Variants in TSPYL2 observed in about 807,000 individuals in gnomAD.
TSPYL2 encodes TSPY like 2, also known as testis-specific Y-encoded-like protein 2.
TSPYL2 carries 9 observed loss-of-function variants against 33.0 expected under a neutral mutation model. That is an observed-to-expected ratio of 0.27 (90% CI 0.16 to 0.48). The LOEUF (loss-of-function observed/expected upper bound fraction) is 0.48, where lower values mean the gene tolerates loss of function less well. TSPYL2 is among the 20% of genes least tolerant of loss of function. The probability of loss-of-function intolerance (pLI) is 0.99; values close to 1 mark genes in which losing one functional copy is unlikely to be tolerated. For synonymous variants in TSPYL2, 330 were observed against 233.6 expected (o/e 1.41, Z -3.77); for missense variants, 636 against 586.2 (o/e 1.08, Z -0.88).
At chrX:53,084,703 C>T (rs782349311) in intron 2 of TSPYL2, 52 bp from the exon 3 acceptor site, 60 of 1,173,186 alleles carry the variant, frequency 5.1e-5, no homozygotes, top group East Asian at 1.8e-4. Context: ...TGGGAAGGGC[C>T]GTGGTGTGTT....
At chrX:53,083,373 C>G in intron 1 of TSPYL2, 68 bp downstream of exon 1, 1 of 1,038,312 alleles carries the variant, frequency 9.6e-7, no homozygotes, top group Non-Finnish European at 1.3e-6. Flanking sequence ...GGGGGAGGGA[C>G]AGAAAAGGTA....
In TSPYL2 at chrX:53,082,447, TA is replaced by T; in HGVS notation, c.-48del. 1.8e-6 allele frequency: 2 copies of T among 1,083,591 alleles called. No individual in the cohort carries two copies. The highest frequency in any genetic ancestry group is 3.4e-5 in the Admixed American group (1 of 29,111). The allele number at this position is 1,083,591 out of a possible 1,213,427, so 89.3% of individuals were successfully genotyped here. ...GTGCGACTAGCGGCAGCGACGCGGC[TA>T]AAAGCGAAGGGGCGAGTGCGAGTCC... On this transcript the variant is annotated 5_prime_UTR_variant, in exon 1 of 7. Transcript: ENST00000375442.
In TSPYL2 at chrX:53,085,995, A is replaced by G. The variant is rs1028963655; in HGVS notation, c.1603A>G (p.Asn535Asp). ...TDDNEENPNN[N>D]ENTYGNNFFK... ...TGACAACGAAGAGAACCCTAACAAC[A>G]ACGAGAACACTTACGGCAACAACTT... Residue 535 changes from asparagine to aspartate, a missense_variant, in exon 6 of 7, where the codon AAC (asparagine) becomes GAC (aspartate). Transcript: ENST00000375442. 4 of 1,185,707 alleles carry G rather than the reference A, an allele frequency of 3.4e-6. No individual in the cohort carries two copies. The highest frequency in any genetic ancestry group is 1.7e-5 in the African/African-American group (1 of 57,177).
chrX:53,085,214 C>T lies in TSPYL2; in HGVS notation c.1144-13C>T. The T allele has an allele frequency of 5.0e-6, 6 of 1,194,922 alleles. No individual in the cohort carries two copies. Among genetic ancestry groups the T allele is most frequent in the South Asian group, 1.8e-5 (1 of 54,702 alleles). ...CTAATGGCTGTCTTATTCCTTCTCC[C>T]CTTTTTCAACAGATTATCAAGAATG... is the stretch of plus-strand genomic sequence containing the variant. On this transcript the variant is annotated splice_polypyrimidine_tract_variant and intron_variant, in intron 4 of 6. Coordinates refer to ENST00000375442, the MANE Select transcript of TSPYL2 (RefSeq NM_022117.4).
At position 53,087,981 on chromosome X, in the gene TSPYL2, C is replaced by T. The variant is rs782184447; in HGVS notation, c.*42C>T. 6.0e-6 allele frequency: 7 copies of T among 1,175,532 alleles called. No individual in the cohort carries two copies. The highest frequency in any genetic ancestry group is 8.1e-6 in the Non-Finnish European group (7 of 868,063). The stretch of plus-strand genomic sequence containing the variant: ...GGGATCACCTCTCTGTATCCCCCAC[C>T]CACTATCCCATTTGCCCTCCTCCTC... On this transcript the variant is annotated 3_prime_UTR_variant, in exon 7 of 7. Coordinates refer to ENST00000375442, the MANE Select transcript of TSPYL2 (RefSeq NM_022117.4).
At position 53,085,019 on chromosome X, in the gene TSPYL2, C is replaced by T; in HGVS notation, c.1063C>T (p.His355Tyr). 8.3e-7 allele frequency: 1 copy of T among 1,211,836 alleles called. No individual in the cohort carries two copies. Residue 355 changes from histidine (H) to tyrosine (Y), a missense_variant, in exon 4 of 7, where the codon CAC becomes TAC. Physicochemically the swap from His to Tyr is moderately conservative, Grantham distance 83 (BLOSUM62 2). Transcript: ENST00000375442. The stretch of plus-strand genomic sequence containing the variant: ...GGGCCAGGAACCCCAGGCCCGTCGT[C>T]ACGGGAACCAGGATGCGAGCCACAG... The part of the protein sequence containing the change: ...HRGQEPQARR[H>Y]GNQDASHSFF...
rs1384500141 is a variant in TSPYL2, at chrX:53,088,250, C to T, written c.*311C>T. The T allele has an allele frequency of 1.1e-5, 3 of 271,024 alleles. No individual in the cohort carries two copies. Among genetic ancestry groups the T allele is most frequent in the African/African-American group, 8.1e-5 (3 of 37,146 alleles). The allele number at this position is 271,024 out of a possible 1,213,427, so 22.3% of individuals were successfully genotyped here. ...TCTCCCAGTCAGTTGTGGCCCCAGC[C>T]CCTCTCCCTGTGCTGTGTGGAGTGG... On this transcript the variant is annotated 3_prime_UTR_variant, in exon 7 of 7. Transcript: ENST00000375442.
In TSPYL2 at chrX:53,086,320, TCC is replaced by T; in HGVS notation, c.1918+17_1918+18del. 1 of 1,166,432 alleles carries T rather than the reference TCC, an allele frequency of 8.6e-7. No individual in the cohort carries two copies. The highest frequency in any genetic ancestry group is 2.0e-5 in the African/African-American group (1 of 48,937). On this transcript the variant is annotated intron_variant, in intron 6 of 6. Coordinates refer to ENST00000375442, the MANE Select transcript of TSPYL2 (RefSeq NM_022117.4). The stretch of plus-strand genomic sequence containing the variant: ...GAGGGCATTGAGGAAGGTGAGCTAA[TCC>T]CCCCCCACCCTTGTCTTCCCTCTTT...
intron 6 of TSPYL2, chrX:53,087,112 G>A (rs782037636): frequency 8.8e-6 from 1 of 113,273 alleles, no homozygotes; most frequent in Non-Finnish European, 1.9e-5. Context: ...CAGATGGGAG[G>A]TGGAAGGGGC....
In TSPYL2 at chrX:53,087,765, C is replaced by G; in HGVS notation, c.1919-11C>G. 8.3e-7 allele frequency: 1 copy of G among 1,201,910 alleles called. No homozygotes were observed. Among genetic ancestry groups the G allele is most frequent in the African/African-American group, 1.7e-5 (1 of 57,716 alleles). Reference sequence around the variant, plus strand: ...CCTCCATTTCCCCTTCCTTGCTTCTCCCCTATGCAGGCATCCAGCAAGATG... The same window carrying G: ...CCTCCATTTCCCCTTCCTTGCTTCTGCCCTATGCAGGCATCCAGCAAGATG... On this transcript the variant is annotated splice_polypyrimidine_tract_variant and intron_variant, in intron 6 of 6. Transcript: ENST00000375442.
intron 6 of TSPYL2, chrX:53,086,603 A>G (rs1350035694): frequency 8.2e-6 from 3 of 363,816 alleles, no homozygotes; most frequent in African/African-American, 2.6e-5. Flanking sequence ...GACACTTCAC[A>G]TCGAGGTGGG....
chrX:53,085,937 C>A lies in TSPYL2; in HGVS notation c.1545C>A (p.Asn515Lys). 8.3e-7 allele frequency: 1 copy of A among 1,208,841 alleles called. No individual in the cohort carries two copies. Among genetic ancestry groups the A allele is most frequent in the African/African-American group, 1.7e-5 (1 of 57,616 alleles). ...TDNNESADDN[N>K]ENPEDNNKNT... ...ACAATGAGAGTGCAGATGACAACAA[C>A]GAGAATCCTGAAGACAATAACAAGA... Residue 515 changes from asparagine to lysine, a missense_variant, in exon 6 of 7, where the codon AAC becomes AAA. Transcript: ENST00000375442.
At position 53,088,108 on chromosome X, in the gene TSPYL2, T is replaced by C. The variant is rs985755523; in HGVS notation, c.*169T>C. The C allele has an allele frequency of 1.3e-5, 6 of 476,355 alleles. No homozygotes were observed. The highest frequency in any genetic ancestry group is 2.1e-5 in the Non-Finnish European group (6 of 288,913). 39.3% of individuals were successfully genotyped at this position (476,355 alleles called of 1,213,427 possible). A position where few individuals can be genotyped will look rare whatever the true frequency, so the allele number is the denominator to read the frequency against. ...TGGTTTAGTCATTGCAGAGTTCTTA[T>C]TTTGGGGGGAGGGAAAGGGGGCTAG... On this transcript the variant is annotated 3_prime_UTR_variant, in exon 7 of 7. Transcript: ENST00000375442.
At chrX:53,083,825 G>A (rs188191773) in intron 1 of TSPYL2, among the ~76,000 whole-genome samples, 12 of 111,521 alleles carry the variant, frequency 1.1e-4, no homozygotes, top group Non-Finnish European at 2.1e-4. Flanking sequence ...ATCCTGGCTG[G>A]AGTGCCTTGC....
rs1268805378 is a variant in TSPYL2, at chrX:53,082,372, G to C, written c.-127G>C. ...GCGCTGTGGGAGGGAACGCCAGAGC[G>C]AGGTGGTGAGGAGAGCTGGTTGCGT... On this transcript the variant is annotated 5_prime_UTR_variant, in exon 1 of 7. Transcript: ENST00000375442. 1 of 618,043 alleles carries C rather than the reference G, an allele frequency of 1.6e-6. No homozygotes were observed. Among genetic ancestry groups the C allele is most frequent in the African/African-American group, 2.4e-5 (1 of 41,574 alleles). 50.9% of individuals were successfully genotyped at this position (618,043 alleles called of 1,213,427 possible). A position where few individuals can be genotyped will look rare whatever the true frequency, so the allele number is the denominator to read the frequency against.
At position 53,087,862 on chromosome X, in the gene TSPYL2, G is replaced by A; in HGVS notation, c.2005G>A (p.Asp669Asn). ...EDVWEEGEDS[D>N]DSDLEDVLQV... ...TGTCTGGGAAGAAGGGGAAGATTCG[G>A]ACGACTCTGACCTAGAGGATGTGCT... Residue 669 changes from aspartate (D) to asparagine (N), a missense_variant, in exon 7 of 7, where the codon GAC becomes AAC. Coordinates refer to ENST00000375442, the MANE Select transcript of TSPYL2 (RefSeq NM_022117.4). 1.7e-6 allele frequency: 2 copies of A among 1,211,846 alleles called. No homozygotes were observed. Among genetic ancestry groups the A allele is most frequent in the Non-Finnish European group, 2.2e-6 (2 of 895,416 alleles).
In TSPYL2 at chrX:53,085,232, C is replaced by G. The variant is rs1556808138; in HGVS notation, c.1149C>G (p.Ile383Met). ...LPEADRIAEIIKNDLWVNPLR... is the reference protein window; with the variant it reads ...LPEADRIAEIMKNDLWVNPLR... The stretch of plus-strand genomic sequence containing the variant: ...CTTCTCCCCTTTTTCAACAGATTAT[C>G]AAGAATGATCTGTGGGTTAACCCTC... Residue 383 changes from isoleucine (I) to methionine (M), a missense_variant, in exon 5 of 7, where the codon ATC becomes ATG. Physicochemically the swap from Ile to Met is conservative, Grantham distance 10. Around this residue, in one of 3 missense-constraint regions of TSPYL2, gnomAD observed 401 missense variants for 363.0 expected, o/e 1.10. Coordinates refer to ENST00000375442, the MANE Select transcript of TSPYL2 (RefSeq NM_022117.4). The G allele has an allele frequency of 8.3e-7, 1 of 1,200,254 alleles. No homozygotes were observed. The highest frequency in any genetic ancestry group is 1.1e-6 in the Non-Finnish European group (1 of 889,617).
At chrX:53,083,699 G>A (rs781908013) in intron 1 of TSPYL2, among the ~76,000 whole-genome samples, 1 of 111,163 alleles carries the variant, frequency 9.0e-6, no homozygotes, top group Non-Finnish European at 1.9e-5. Context: ...AACTGACTCA[G>A]AGACCTTGAA....
intron 1 of TSPYL2, 66 bp downstream of exon 1, chrX:53,083,371 G>C: frequency 3.1e-5 from 31 of 1,003,374 alleles, no homozygotes; most frequent in Non-Finnish European, 4.2e-5. Context: ...GTGGGGGAGG[G>C]ACAGAAAAGG....
Sources: gnomAD v4.1 joint callset for allele counts (sites outside exome capture counted in the v4.1 genomes callset) on GRCh38, gnomAD v4.1.1 for gene constraint, gnomAD v4.1.1 regional missense constraint, MANE v1.5 for transcripts, NCBI Gene and HGNC (gene_info 2026-07-23, HGNC 2026-07-21) for gene names.